The following EYS variants were observed in gnomAD, a reference collection of about 807,000 sequenced individuals.
EYS encodes EGF-like photoreceptor maintenance factor.
In EYS, 250 loss-of-function variants were observed where a neutral mutation model predicts 282.1. The observed-to-expected ratio is 0.89, with a 90% CI of 0.80 to 0.98. EYS has a LOEUF of 0.98. EYS is among the 50% of genes least tolerant of loss of function. The pLI, the probability that EYS is intolerant of heterozygous loss-of-function variation, is 0.00. For synonymous variants in EYS, 1,355 were observed against 1,282.9 expected, an observed-to-expected ratio of 1.06 and a Z score of -1.20; for missense variants, 4,016 against 3,709.0, an observed-to-expected ratio of 1.08 and a Z score of -2.15.
chr6:65,159,644 G>A (rs745694292), intron 12 of EYS, among the ~76,000 whole-genome samples: 4 of 150,592 alleles, frequency 2.7e-5, no homozygotes, highest in Non-Finnish European at 6.0e-5. Flanking sequence ...ATCTACTTCC[G>A]TAGGTTCTTA....
intron 12 of EYS, among the ~76,000 whole-genome samples, chr6:65,134,690 C>T (rs1231271860): frequency 6.6e-6 from 1 of 151,908 alleles, no homozygotes; most frequent in Non-Finnish European, 1.5e-5. Context: ...GTAAAACAAA[C>T]CTCTATGACA....
intron 14 of EYS, among the ~76,000 whole-genome samples, chr6:64,986,339 A>T (rs1468740362): frequency 6.6e-6 from 1 of 151,562 alleles, no homozygotes; most frequent in African/African-American, 2.4e-5. Context: ...TGTAAATAAC[A>T]CATACAAATT....
At chr6:64,681,678 G>C (rs1361383400) in intron 22 of EYS, among the ~76,000 whole-genome samples, 1 of 152,112 alleles carries the variant, frequency 6.6e-6, no homozygotes, top group Non-Finnish European at 1.5e-5. Context: ...CGCATCACAA[G>C]GTCAGGATGT....
intron 1 of EYS, among the ~76,000 whole-genome samples, chr6:65,645,381 A>G (rs1005263570): frequency 5.3e-5 from 8 of 152,198 alleles, no homozygotes; most frequent in African/African-American, 1.9e-4. Flanking sequence ...TCCAAAAGGA[A>G]CCTTCAAAAC....
intron 10 of EYS, among the ~76,000 whole-genome samples, chr6:65,335,823 C>G (rs78484557): frequency 0.021 from 3,135 of 151,692 alleles, 47 homozygotes; most frequent in Non-Finnish European, 0.035. Context: ...ATGAAGTTTT[C>G]CCAGTTATAT....
intron 33 of EYS, among the ~76,000 whole-genome samples, chr6:64,063,396 A>G (rs965247661): frequency 3.3e-5 from 5 of 152,172 alleles, no homozygotes; most frequent in Non-Finnish European, 2.9e-5. Context: ...CTGCTATCCA[A>G]TTGCACATAA....
chr6:64,749,132 T>C (rs553164575), intron 22 of EYS, among the ~76,000 whole-genome samples: 1 of 152,350 alleles, frequency 6.6e-6, no homozygotes, highest in African/African-American at 2.4e-5. Context: ...TAGAAAATTG[T>C]AATTTCATAA....
chr6:64,813,686 G>T (rs1764666115), intron 21 of EYS, 109 bp from the exon 22 acceptor site: 3 of 639,650 alleles, frequency 4.7e-6, no homozygotes, highest in African/African-American at 1.9e-5. Context: ...GTGCAAACTT[G>T]TTTGACATTT....
chr6:64,273,009 T>G (rs1767993015), intron 30 of EYS, among the ~76,000 whole-genome samples: 1 of 152,268 alleles, frequency 6.6e-6, no homozygotes, highest in Admixed American at 6.5e-5. Context: ...CGGTTTTCTA[T>G]GAGGGTAATC....
intron 22 of EYS, among the ~76,000 whole-genome samples, chr6:64,781,734 T>G (rs2149994093): frequency 6.6e-6 from 1 of 152,286 alleles, no homozygotes; most frequent in Non-Finnish European, 1.5e-5. Flanking sequence ...CCTGGTTTTC[T>G]TTTTCATACA....
At chr6:63,857,859 G>A (rs1168267761) in intron 36 of EYS, 1 of 197,110 alleles carries the variant, frequency 5.1e-6, no homozygotes, top group Non-Finnish European at 1.1e-5. Flanking sequence ...CAAGCATCGG[G>A]AAAATGGTAT....
chr6:64,239,542 A>T (rs572578538), intron 30 of EYS, among the ~76,000 whole-genome samples: 2 of 151,646 alleles, frequency 1.3e-5, no homozygotes, highest in East Asian at 3.9e-4. Flanking sequence ...TTGGCTGCAT[A>T]AATGTCTTCT....
chr6:64,545,108 G>T (rs184016762), intron 26 of EYS, among the ~76,000 whole-genome samples: 1 of 152,274 alleles, frequency 6.6e-6, no homozygotes, highest in Admixed American at 6.5e-5. Flanking sequence ...GAACATCAAT[G>T]CAAAAATCCT....
intron 2 of EYS, among the ~76,000 whole-genome samples, chr6:65,590,495 C>A (rs1765193364): frequency 6.6e-6 from 1 of 151,894 alleles, no homozygotes; most frequent in African/African-American, 2.4e-5. Context: ...ATTCCAAATT[C>A]TCTTTTCTAC....
chr6:65,542,790 G>A (rs1230029361), intron 2 of EYS, among the ~76,000 whole-genome samples: 2 of 151,910 alleles, frequency 1.3e-5, no homozygotes, highest in Non-Finnish European at 2.9e-5. Flanking sequence ...ATACTATTAT[G>A]AGCAAATCTA....
intron 29 of EYS, among the ~76,000 whole-genome samples, chr6:64,387,361 G>C (rs1482374679): frequency 1.3e-5 from 2 of 151,944 alleles, no homozygotes. Context: ...TAAATGCTCA[G>C]CTATATTTAT....
chr6:64,751,640 A>G (rs1247316685), intron 22 of EYS, among the ~76,000 whole-genome samples: 3 of 152,236 alleles, frequency 2.0e-5, no homozygotes, highest in Non-Finnish European at 2.9e-5. Flanking sequence ...GATCATTCAT[A>G]TACCCATCTC....
At chr6:63,905,184 A>G (rs900722067) in intron 35 of EYS, among the ~76,000 whole-genome samples, 6 of 152,074 alleles carry the variant, frequency 3.9e-5, no homozygotes, top group Non-Finnish European at 8.8e-5. Flanking sequence ...GGCTTTTCTC[A>G]CTTAGCATGT....
chr6:65,408,197 T>C (rs770170734), intron 5 of EYS, among the ~76,000 whole-genome samples: 9 of 152,148 alleles, frequency 5.9e-5, no homozygotes, highest in South Asian at 2.1e-4. Context: ...AATTTGCTTA[T>C]ATTTTGGTGG....
Sources: allele counts gnomAD v4.1 joint callset (sites outside exome capture counted in the v4.1 genomes callset), GRCh38; gene constraint gnomAD v4.1.1; transcripts MANE v1.5; gene names NCBI Gene and HGNC (gene_info 2026-07-23, HGNC 2026-07-21).